CLSTN2: variants seen among roughly 807,000 people sequenced by gnomAD.
CLSTN2 encodes the protein calsyntenin-2.
In CLSTN2, 48 loss-of-function variants were observed where a neutral mutation model predicts 101.2. The ratio of observed to expected loss-of-function variants is 0.47; its 90% CI spans 0.38 to 0.60. The LOEUF (loss-of-function observed/expected upper bound fraction) is 0.60. CLSTN2 is among the 20% of genes least tolerant of loss of function. The probability of loss-of-function intolerance (pLI) is 0.00; values close to 1 mark genes in which losing one functional copy is unlikely to be tolerated. For synonymous variants in CLSTN2, 481 were observed against 463.6 expected (o/e 1.04, Z -0.48); for missense variants, 1,160 against 1,238.2 (o/e 0.94, Z 0.95).
intron 1 of CLSTN2, among the ~76,000 whole-genome samples, chr3:140,060,598 A>T (rs1469750304): frequency 6.6e-6 from 1 of 152,112 alleles, no homozygotes; most frequent in African/African-American, 2.4e-5. Context: ...GATGATTGTC[A>T]TCAGAGCCCA....
intron 2 of CLSTN2, among the ~76,000 whole-genome samples, chr3:140,310,570 C>T (rs1456528196): frequency 6.6e-6 from 1 of 152,162 alleles, no homozygotes; most frequent in East Asian, 1.9e-4. Flanking sequence ...GCCCTCCACT[C>T]GCCTCAGTCA....
chr3:139,972,172 G>A (rs972682876), intron 1 of CLSTN2, among the ~76,000 whole-genome samples: 1 of 152,102 alleles, frequency 6.6e-6, no homozygotes, highest in Non-Finnish European at 1.5e-5. Flanking sequence ...GCTGAGGCAG[G>A]AGAATCGCTT....
chr3:140,203,850 G>A (rs2010749245), intron 2 of CLSTN2, among the ~76,000 whole-genome samples: 2 of 152,292 alleles, frequency 1.3e-5, no homozygotes, highest in Admixed American at 6.5e-5. Flanking sequence ...AGAACCTGGA[G>A]CATGGTAAGA....
intron 1 of CLSTN2, among the ~76,000 whole-genome samples, chr3:139,961,797 A>G (rs1374606023): frequency 6.6e-6 from 1 of 152,214 alleles, no homozygotes; most frequent in Non-Finnish European, 1.5e-5. Flanking sequence ...GCATTAAAAG[A>G]TTAAAAATGA....
rs1286246405 is a variant in CLSTN2, at chr3:140,001,250, GCTCTT to G, written c.109+65776_109+65780del. On this transcript the variant is annotated intron_variant, in intron 1 of 16. Coordinates refer to ENST00000458420, the MANE Select transcript of CLSTN2 (RefSeq NM_022131.3). ...TGGCTGTTTCCCACAGAGCTCTTGT[GCTCTT>G]CTCTTCTCCTCCCATCCTTTTTTCT... Among the ~76,000 whole-genome samples, 3 of 151,948 alleles carry G rather than the reference GCTCTT, an allele frequency of 2.0e-5. No homozygotes were observed. In the East Asian group the frequency reaches 5.8e-4, roughly 29 times the overall value.
chr3:140,363,258 T>G (rs963828093), intron 2 of CLSTN2, among the ~76,000 whole-genome samples: 6 of 152,090 alleles, frequency 3.9e-5, no homozygotes. Flanking sequence ...TCCATTGGCA[T>G]GAAAATGTCC....
chr3:140,284,264 A>G (rs1293483734), intron 2 of CLSTN2, among the ~76,000 whole-genome samples: 1 of 152,158 alleles, frequency 6.6e-6, no homozygotes, highest in Non-Finnish European at 1.5e-5. Context: ...AAATACAAGA[A>G]CAAATTGGGT....
chr3:140,087,446 C>A (rs1399810272), intron 1 of CLSTN2, among the ~76,000 whole-genome samples: 1 of 152,172 alleles, frequency 6.6e-6, no homozygotes. Context: ...ATAGCTATTT[C>A]TCAGCATTCT....
chr3:140,215,203 C>T (rs998441161), intron 2 of CLSTN2, among the ~76,000 whole-genome samples: 1 of 152,060 alleles, frequency 6.6e-6, no homozygotes, highest in Non-Finnish European at 1.5e-5. Flanking sequence ...TTTTCTTACT[C>T]TTCTCTTGGC....
At chr3:140,520,003 T>G (rs1416001139) in intron 8 of CLSTN2, among the ~76,000 whole-genome samples, 2 of 152,244 alleles carry the variant, frequency 1.3e-5, no homozygotes, top group Non-Finnish European at 2.9e-5. Context: ...GCTGGCCTGA[T>G]GGTGACAAAT....
intron 5 of CLSTN2, among the ~76,000 whole-genome samples, chr3:140,425,907 C>G (rs959452632): frequency 5.3e-5 from 8 of 152,154 alleles, no homozygotes; most frequent in Non-Finnish European, 2.9e-5. Flanking sequence ...AAAGCATAAG[C>G]CAGACCTGTG....
chr3:140,122,773 G>T (rs773987523), intron 1 of CLSTN2, among the ~76,000 whole-genome samples: 6 of 152,126 alleles, frequency 3.9e-5, no homozygotes, highest in Non-Finnish European at 8.8e-5. Context: ...TCTGTAAAGG[G>T]TCAGATGTTT....
At chr3:140,545,540 T>C (rs1667024189) in intron 9 of CLSTN2, among the ~76,000 whole-genome samples, 1 of 152,182 alleles carries the variant, frequency 6.6e-6, no homozygotes, top group Admixed American at 6.5e-5. Flanking sequence ...TTGTTCTTCT[T>C]CTCTGAACAA....
chr3:140,000,700 C>T (rs1233687966), intron 1 of CLSTN2, among the ~76,000 whole-genome samples: 1 of 152,160 alleles, frequency 6.6e-6, no homozygotes. Context: ...AAGGTGATCC[C>T]TGGGTGCTGC....
At chr3:140,240,401 G>A (rs1430039776) in intron 2 of CLSTN2, among the ~76,000 whole-genome samples, 3 of 150,382 alleles carry the variant, frequency 2.0e-5, no homozygotes, top group Admixed American at 6.7e-5. Context: ...ATGGGACAAC[G>A]TGAAAGGAGA....
chr3:140,356,260 G>A (rs904151582), intron 2 of CLSTN2, among the ~76,000 whole-genome samples: 3 of 152,182 alleles, frequency 2.0e-5, no homozygotes, highest in African/African-American at 7.2e-5. Flanking sequence ...GGAGCAGAAA[G>A]CAGAACGTGT....
intron 1 of CLSTN2, among the ~76,000 whole-genome samples, chr3:140,148,647 C>T (rs546763437): frequency 7.2e-5 from 11 of 152,320 alleles, no homozygotes; most frequent in Admixed American, 2.0e-4. Flanking sequence ...GCTGCATTCA[C>T]TTATGCATTT....
At position 140,201,777 on chromosome 3, in the gene CLSTN2, T is replaced by C. The variant is rs184015221; in HGVS notation, c.232+25704T>C. ...GAACACGGACAATAAATAACAGACA[T>C]AGCAAATTATATGCACGCACACACA... On this transcript the variant is annotated intron_variant, in intron 2 of 16. Transcript: ENST00000458420. Among the ~76,000 whole-genome samples, 8 of 151,740 alleles carry C rather than the reference T, an allele frequency of 5.3e-5. No individual in the cohort carries two copies. In the South Asian group the frequency reaches 1.2e-3, roughly 24 times the overall value.
At chr3:140,252,157 G>A (rs2086570133) in intron 2 of CLSTN2, among the ~76,000 whole-genome samples, 1 of 152,082 alleles carries the variant, frequency 6.6e-6, no homozygotes, top group Admixed American at 6.6e-5. Context: ...GACACAACAA[G>A]GCATGAACTT....
Sources: allele counts gnomAD v4.1 joint callset (sites outside exome capture counted in the v4.1 genomes callset), GRCh38; gene constraint gnomAD v4.1.1; transcripts MANE v1.5; gene names NCBI Gene and HGNC (gene_info 2026-07-23, HGNC 2026-07-21).